Variants in PIGK observed in about 807,000 individuals in gnomAD.
PIGK encodes GPI-anchor transamidase.
Under a neutral mutation model 50.6 loss-of-function variants are expected in PIGK, and 42 were observed. The ratio of observed to expected loss-of-function variants is 0.83; its 90% CI spans 0.65 to 1.07. The LOEUF (loss-of-function observed/expected upper bound fraction) is 1.07, where lower values mean the gene tolerates loss of function less well. Among genes scored for constraint, PIGK ranks in the 50% least tolerant of loss-of-function variants. The pLI is 0.00. For synonymous variants in PIGK, 151 were observed against 156.0 expected (o/e 0.97, Z 0.24); for missense variants, 448 against 488.7 (o/e 0.92, Z 0.78).
intron 2 of PIGK, among the ~76,000 whole-genome samples, chr1:77,209,303 T>C (rs1656361920): frequency 6.6e-6 from 1 of 152,122 alleles, no homozygotes; most frequent in African/African-American, 2.4e-5. Flanking sequence ...TTATGTGAAT[T>C]CTGTTTGAGG....
intron 9 of PIGK, among the ~76,000 whole-genome samples, chr1:77,150,191 A>G (rs1428958888): frequency 6.6e-6 from 1 of 152,112 alleles, no homozygotes; most frequent in Non-Finnish European, 1.5e-5. Context: ...AAAAATCAAG[A>G]GCAAAACAAA....
chr1:77,205,900 A>G (rs993341789), intron 3 of PIGK, among the ~76,000 whole-genome samples: 1 of 152,172 alleles, frequency 6.6e-6, no homozygotes, highest in African/African-American at 2.4e-5. Flanking sequence ...ACGAGTCTTC[A>G]TATAAAGCAA....
chr1:77,103,407 A>G (rs1331596904), intron 10 of PIGK, among the ~76,000 whole-genome samples: 1 of 152,220 alleles, frequency 6.6e-6, no homozygotes, highest in Non-Finnish European at 1.5e-5. Flanking sequence ...AACAGTGTCT[A>G]CCAGTGTCTG....
In PIGK at chr1:77,089,685, A is replaced by G. The variant is rs1557788051; in HGVS notation, c.*2689T>C. 1.3e-5 allele frequency: 2 copies of G among 152,684 alleles called. No individual in the cohort carries two copies. Among genetic ancestry groups the G allele is most frequent in the Non-Finnish European group, 2.9e-5 (2 of 68,046 alleles). The allele number at this position is 152,684 out of a possible 1,614,324, so 9.5% of individuals were successfully genotyped here. A position where few individuals can be genotyped will look rare whatever the true frequency, so the allele number is the denominator to read the frequency against. On this transcript the variant is annotated 3_prime_UTR_variant, in exon 11 of 11. Coordinates refer to ENST00000370812, the MANE Select transcript of PIGK (RefSeq NM_005482.3). ...CTGGGAATATATAAAAATCAAAACC[A>G]TAAATGCATGGATTATTTTTTGCAT... is the stretch of plus-strand genomic sequence containing the variant.
intron 3 of PIGK, among the ~76,000 whole-genome samples, chr1:77,204,761 A>T (rs1352220327): frequency 1.3e-5 from 2 of 152,072 alleles, no homozygotes; most frequent in African/African-American, 4.8e-5. Context: ...TAGACTAACA[A>T]AATTTAGGGG....
At chr1:77,092,552 G>A (rs1344395295) in intron 10 of PIGK, 62 bp from the exon 11 acceptor site, 1 of 876,868 alleles carries the variant, frequency 1.1e-6, no homozygotes, top group East Asian at 2.5e-5. Context: ...AATCAATAAA[G>A]CAAACATTGA....
chr1:77,140,437 T>C (rs1654624555), intron 9 of PIGK, among the ~76,000 whole-genome samples: 1 of 152,038 alleles, frequency 6.6e-6, no homozygotes, highest in African/African-American at 2.4e-5. Context: ...AATTGGAAGC[T>C]TCCTGACGCC....
At chr1:77,216,371 T>C (rs1356274154) in intron 1 of PIGK, among the ~76,000 whole-genome samples, 2 of 152,150 alleles carry the variant, frequency 1.3e-5, no homozygotes, top group Non-Finnish European at 2.9e-5. Flanking sequence ...CTCAAGAATA[T>C]CAATTTTCAT....
At chr1:77,189,694 C>CATAT (rs71075728) in intron 3 of PIGK, among the ~76,000 whole-genome samples, 7 of 71,106 alleles carry the variant, frequency 9.8e-5, no homozygotes, top group Admixed American at 1.7e-4. Context: ...ACAATAAACT[C>CATAT]ATATATATAT....
chr1:77,128,668 G>C (rs1570204392), intron 9 of PIGK, among the ~76,000 whole-genome samples: 1 of 152,168 alleles, frequency 6.6e-6, no homozygotes, highest in African/African-American at 2.4e-5. Context: ...CAAAATCATT[G>C]AGCACTTACT....
chr1:77,148,637 T>C (rs1557805969), intron 9 of PIGK, among the ~76,000 whole-genome samples: 1 of 152,016 alleles, frequency 6.6e-6, no homozygotes, highest in Non-Finnish European at 1.5e-5. Flanking sequence ...AGGGAGTTAA[T>C]GTGCACAGGT....
intron 10 of PIGK, among the ~76,000 whole-genome samples, chr1:77,096,933 G>GT (rs1653423993): frequency 1.2e-5 from 1 of 80,704 alleles, no homozygotes; most frequent in Non-Finnish European, 2.7e-5. Flanking sequence ...TGTTTTGTTT[G>GT]TTTTTTTAAT....
At chr1:77,206,144 G>A (rs1236072566) in intron 3 of PIGK, among the ~76,000 whole-genome samples, 2 of 152,184 alleles carry the variant, frequency 1.3e-5, no homozygotes, top group African/African-American at 4.8e-5. Context: ...CAGTAGCTGA[G>A]TCTAGGCTTC....
rs1219092722 is a variant in PIGK at position 77,090,852 on chromosome 1, T to C, written c.*1522A>G. On this transcript the variant is annotated 3_prime_UTR_variant, in exon 11 of 11. Transcript: ENST00000370812. Reference sequence around the variant, plus strand: ...TATAACACATCAATAAAAAGATCAATTAAAATAAAGATTCAGAGCTGGCAA... The same window carrying C: ...TATAACACATCAATAAAAAGATCAACTAAAATAAAGATTCAGAGCTGGCAA... 1 of 152,206 alleles carries C rather than the reference T, an allele frequency of 6.6e-6. No homozygotes were observed. The highest frequency in any genetic ancestry group is 1.5e-5 in the Non-Finnish European group (1 of 68,022). The allele number at this position is 152,206 out of a possible 1,614,324, so 9.4% of individuals were successfully genotyped here.
intron 2 of PIGK, among the ~76,000 whole-genome samples, chr1:77,209,134 A>G (rs1215032943): frequency 5.3e-5 from 8 of 152,006 alleles, no homozygotes; most frequent in African/African-American, 1.4e-4. Context: ...CTTTGAACCT[A>G]TTCTCTATTT....
intron 3 of PIGK, among the ~76,000 whole-genome samples, chr1:77,180,016 G>C (rs1261091793): frequency 2.0e-5 from 3 of 149,956 alleles, no homozygotes; most frequent in African/African-American, 7.3e-5. Context: ...AATCACTGCT[G>C]AAATCAAGAC....
At chr1:77,199,711 A>AATAT (rs1656118048) in intron 3 of PIGK, among the ~76,000 whole-genome samples, 1 of 152,058 alleles carries the variant, frequency 6.6e-6, no homozygotes, top group Non-Finnish European at 1.5e-5. Flanking sequence ...AAACAAAGGA[A>AATAT]CAAAAGATAT....
At chr1:77,167,468 G>A (rs999380632) in intron 4 of PIGK, among the ~76,000 whole-genome samples, 9 of 152,252 alleles carry the variant, frequency 5.9e-5, no homozygotes, top group Non-Finnish European at 8.8e-5. Flanking sequence ...ATCTGGCTGG[G>A]CATGATGGCT....
chr1:77,183,584 A>T (rs1389797893), intron 3 of PIGK, among the ~76,000 whole-genome samples: 1 of 152,182 alleles, frequency 6.6e-6, no homozygotes, highest in Non-Finnish European at 1.5e-5. Flanking sequence ...ATAAACAGAA[A>T]TCTGGAGAAC....
Sources: allele counts gnomAD v4.1 joint callset (sites outside exome capture counted in the v4.1 genomes callset), GRCh38; gene constraint gnomAD v4.1.1; transcripts MANE v1.5; gene names NCBI Gene and HGNC (gene_info 2026-07-23, HGNC 2026-07-21).